Variants in IFIH1 observed in about 807,000 individuals in gnomAD.
IFIH1 encodes interferon induced with helicase C domain 1.
A neutral mutation model predicts 107.4 loss-of-function variants in IFIH1; 125 were observed. The observed-to-expected ratio is 1.16, with a 90% CI of 1.01 to 1.35. IFIH1 has a LOEUF of 1.35. IFIH1 is among the 40% of genes most tolerant of loss of function. IFIH1 has a pLI of 0.00. For missense variants in IFIH1, 1,333 were observed against 1,213.7 expected (o/e 1.10, Z -1.46); for synonymous variants, 458 against 413.2 (o/e 1.11, Z -1.31).
rs542327385 is a variant in IFIH1, at chr2:162,292,269, T to C, written c.874+1295A>G. Reference sequence around the variant, plus strand: ...TGTAATAGAAATGTTAATTATTAAATTGAACAATTTTATGACAAGGATAGA... The same window carrying C: ...TGTAATAGAAATGTTAATTATTAAACTGAACAATTTTATGACAAGGATAGA... On this transcript the variant is annotated intron_variant, in intron 4 of 15. Transcript: ENST00000649979. Among the ~76,000 whole-genome samples the C allele has an allele frequency of 2.3e-4, 35 of 151,952 alleles. No homozygotes were observed. In the Middle Eastern group the frequency reaches 0.01, roughly 45 times the overall value.
intron 5 of IFIH1, among the ~76,000 whole-genome samples, chr2:162,283,878 A>C (rs1245970803): frequency 5.3e-5 from 8 of 151,980 alleles, no homozygotes; most frequent in Admixed American, 5.3e-4. Flanking sequence ...CTAAGGAAGC[A>C]AAGTGGACTT....
chr2:162,289,441 C>A (rs1411651609), intron 4 of IFIH1, among the ~76,000 whole-genome samples: 1 of 151,404 alleles, frequency 6.6e-6, no homozygotes, highest in Non-Finnish European at 1.5e-5. Context: ...AAATATTATA[C>A]CAATTTAAAA....
Position 162,272,364 on chromosome 2 carries a change from A to C in IFIH1, c.2478T>G (p.Asp826Glu). The change falls in exon 13 of 16, where the codon GAT (aspartate) becomes GAG (glutamate). Residue 826 changes from aspartate (D) to glutamate (E), a missense_variant. By Grantham distance (45) the Asp-to-Glu change is conservative. Coordinates refer to ENST00000649979, the MANE Select transcript of IFIH1 (RefSeq NM_022168.4). The stretch of plus-strand genomic sequence containing the variant: ...GAGCAACCAGGACGTAGGTGCTCTC[A>C]TCAGCTCTGGCTCGACCACGGGCCT... ...MVQARGRARA[D>E]ESTYVLVAHS... 1 of 1,613,450 alleles carries C rather than the reference A, an allele frequency of 6.2e-7. No homozygotes were observed. Among genetic ancestry groups the C allele is most frequent in the South Asian group, 1.1e-5 (1 of 91,074 alleles).
At chr2:162,294,194 C>G (rs1242239363) in intron 3 of IFIH1, among the ~76,000 whole-genome samples, 6 of 151,764 alleles carry the variant, frequency 4.0e-5, no homozygotes, top group Admixed American at 3.9e-4. Context: ...ATCACTAAAG[C>G]CTGGCATCAC....
intron 2 of IFIH1, among the ~76,000 whole-genome samples, chr2:162,309,098 G>C (rs1452599880): frequency 6.6e-6 from 1 of 152,138 alleles, no homozygotes; most frequent in Non-Finnish European, 1.5e-5. Context: ...AAGGGTGATG[G>C]GTCCCAAGCA....
intron 1 of IFIH1, among the ~76,000 whole-genome samples, chr2:162,312,728 T>A (rs1576240012): frequency 6.6e-6 from 1 of 152,324 alleles, no homozygotes; most frequent in East Asian, 1.9e-4. Context: ...GCTTCCCTGA[T>A]GTTGTAACAT....
chr2:162,287,517 T>C (rs1247202807), intron 5 of IFIH1, among the ~76,000 whole-genome samples: 1 of 151,856 alleles, frequency 6.6e-6, no homozygotes, highest in Non-Finnish European at 1.5e-5. Context: ...ATATAAATTA[T>C]TGAAGGAAAA....
chr2:162,310,120 A>T (rs920646283), intron 2 of IFIH1: 2 of 152,240 alleles, frequency 1.3e-5, no homozygotes, highest in Non-Finnish European at 2.9e-5. Context: ...TTCATTAGTT[A>T]GGGTCACCAG....
rs372313271 is a variant in IFIH1, at chr2:162,318,261, G to A, written c.47C>T (p.Ser16Leu). The A allele has an allele frequency of 1.9e-6, 3 of 1,613,926 alleles. No homozygotes were observed. The highest frequency in any genetic ancestry group is 2.7e-5 in the African/African-American group (2 of 74,914). ...STDENFRYLI[S>L]CFRARVKMYI... The stretch of plus-strand genomic sequence containing the variant: ...CATTTTCACCCTGGCCCTGAAGCAC[G>A]AGATGAGATAGCGGAAATTCTCGTC... The change falls in exon 1 of 16, where the codon TCG becomes TTG. Residue 16 changes from serine (S) to leucine (L), a missense_variant. Transcript: ENST00000649979.
chr2:162,268,852 G>C (rs1256243105), intron 13 of IFIH1, among the ~76,000 whole-genome samples: 1 of 151,962 alleles, frequency 6.6e-6, no homozygotes, highest in South Asian at 2.1e-4. Flanking sequence ...GCCTCTCAAA[G>C]TGCTGGGATT....
intron 3 of IFIH1, among the ~76,000 whole-genome samples, chr2:162,302,357 A>G (rs1683208331): frequency 6.6e-6 from 1 of 152,368 alleles, no homozygotes; most frequent in South Asian, 2.1e-4. Context: ...ATTTAAAATT[A>G]CAAATAATTT....
In IFIH1 at chr2:162,318,509, C is replaced by T; in HGVS notation, c.-202G>A. On this transcript the variant is annotated 5_prime_UTR_variant, in exon 1 of 16. Transcript: ENST00000649979. ...ACTCGCACCTGGGCAGGTGGGCAGG[C>T]GGGCAGGTGGGCAGCGGGGCGGCGC... is the stretch of plus-strand genomic sequence containing the variant. The T allele has an allele frequency of 2.8e-6, 1 of 358,874 alleles. No homozygotes were observed. The highest frequency in any genetic ancestry group is 4.9e-6 in the Non-Finnish European group (1 of 205,050). 22.2% of individuals were successfully genotyped at this position (358,874 alleles called of 1,614,324 possible).
chr2:162,284,815 TCTAC>T (rs2105205416), intron 5 of IFIH1, among the ~76,000 whole-genome samples: 1 of 151,844 alleles, frequency 6.6e-6, no homozygotes, highest in East Asian at 1.9e-4. Context: ...GAGGACAAGA[TCTAC>T]ATTTGATTTG....
chr2:162,315,974 T>G (rs1013184861), intron 1 of IFIH1, among the ~76,000 whole-genome samples: 1 of 152,260 alleles, frequency 6.6e-6, no homozygotes, highest in Admixed American at 6.5e-5. Context: ...GAGGGAGAAT[T>G]TGGGTTGTTT....
chr2:162,273,646 A>C (rs1691089272), intron 12 of IFIH1, 149 bp downstream of exon 12: 4 of 603,044 alleles, frequency 6.6e-6, no homozygotes, highest in Admixed American at 3.4e-5. Flanking sequence ...GCAACAGTGC[A>C]CAGCATTTTA....
At chr2:162,269,870 A>G (rs964311970) in intron 13 of IFIH1, among the ~76,000 whole-genome samples, 1 of 152,226 alleles carries the variant, frequency 6.6e-6, no homozygotes, top group Admixed American at 6.5e-5. Flanking sequence ...TCAGACAAGT[A>G]CCAAGATTAA....
At chr2:162,283,322 A>G (rs1266806515) in intron 5 of IFIH1, among the ~76,000 whole-genome samples, 1 of 151,996 alleles carries the variant, frequency 6.6e-6, no homozygotes, top group East Asian at 1.9e-4. Context: ...CAAACCCGAA[A>G]GTAGACCTGG....
intron 3 of IFIH1, among the ~76,000 whole-genome samples, chr2:162,295,753 T>A (rs1683075008): frequency 6.6e-6 from 1 of 151,830 alleles, no homozygotes; most frequent in Non-Finnish European, 1.5e-5. Context: ...TTCCCAGAGG[T>A]ATGTCTTGTT....
intron 4 of IFIH1, 132 bp downstream of exon 4, chr2:162,293,432 A>T (rs562710916): frequency 3.4e-6 from 2 of 580,870 alleles, no homozygotes; most frequent in South Asian, 4.8e-5. Flanking sequence ...AAGTTCCAAA[A>T]CTATTTCACT....
Sources: gnomAD v4.1 joint callset for allele counts (sites outside exome capture counted in the v4.1 genomes callset) on GRCh38, gnomAD v4.1.1 for gene constraint, MANE v1.5 for transcripts, NCBI Gene and HGNC (gene_info 2026-07-23, HGNC 2026-07-21) for gene names.